The following OPCML variants were observed in gnomAD, a reference collection of about 807,000 sequenced individuals.
OPCML encodes opioid-binding protein/cell adhesion molecule.
Under a neutral mutation model 37.8 loss-of-function variants are expected in OPCML, and 13 were observed. The observed-to-expected ratio is 0.34, with a 90% CI of 0.22 to 0.55. The LOEUF (loss-of-function observed/expected upper bound fraction) is 0.55. Among genes scored for constraint, OPCML ranks in the 20% least tolerant of loss-of-function variants. OPCML has a pLI of 0.91. For missense variants in OPCML, 341 were observed against 435.6 expected, an observed-to-expected ratio of 0.78 and a Z score of 1.93; for synonymous variants, 176 against 168.8, an observed-to-expected ratio of 1.04 and a Z score of -0.33.
At chr11:132,558,011 G>A (rs1478684600) in intron 3 of OPCML, among the ~76,000 whole-genome samples, 5 of 116,310 alleles carry the variant, frequency 4.3e-5, no homozygotes, top group Non-Finnish European at 7.3e-5. Flanking sequence ...ATACACACAC[G>A]GTGTTACTTA....
At chr11:133,256,541 C>A (rs1197225847) in intron 1 of OPCML, among the ~76,000 whole-genome samples, 1 of 152,012 alleles carries the variant, frequency 6.6e-6, no homozygotes, top group African/African-American at 2.4e-5. Context: ...ATTTTATAAC[C>A]TTTATTGTGT....
chr11:132,812,790 C>T (rs1243484898), intron 2 of OPCML, among the ~76,000 whole-genome samples: 1 of 152,182 alleles, frequency 6.6e-6, no homozygotes, highest in Non-Finnish European at 1.5e-5. Flanking sequence ...GTATATCTTC[C>T]TCACCAACTT....
rs1943591423 is a variant in OPCML at position 132,890,328 on chromosome 11, A to G, written c.146+52598T>C. 2.0e-5 allele frequency among the ~76,000 whole-genome samples: 3 copies of G among 152,332 alleles called. No homozygotes were observed. The South Asian group carries it at 6.2e-4, about 32-fold the overall frequency. On this transcript the variant is annotated intron_variant, in intron 2 of 7. Transcript: ENST00000524381. ...TCAGCTTCTGGGGGAGTCAAGTTACAAAAGAGCCAACATATGAAAAATCCA... is the reference window on the plus strand; with the variant it reads ...TCAGCTTCTGGGGGAGTCAAGTTACGAAAGAGCCAACATATGAAAAATCCA...
chr11:133,331,195 G>T (rs138142030), intron 1 of OPCML, among the ~76,000 whole-genome samples: 1 of 152,196 alleles, frequency 6.6e-6, no homozygotes, highest in Non-Finnish European at 1.5e-5. Flanking sequence ...GAGTGGCCCC[G>T]TAGAGTCAGA....
At chr11:132,983,451 C>T (rs75900491) in intron 1 of OPCML, among the ~76,000 whole-genome samples, 2,193 of 152,310 alleles carry the variant, frequency 0.014, 66 homozygotes, top group African/African-American at 0.05. Flanking sequence ...AGAAGAAAGG[C>T]GCAGCCCTGA....
intron 1 of OPCML, among the ~76,000 whole-genome samples, chr11:133,295,873 A>T (rs1314106613): frequency 2.0e-5 from 3 of 152,270 alleles, no homozygotes; most frequent in Non-Finnish European, 4.4e-5. Flanking sequence ...AATCACAGTC[A>T]ATAGTGCTAT....
At chr11:132,503,907 T>C (rs1356582194) in intron 4 of OPCML, among the ~76,000 whole-genome samples, 2 of 152,078 alleles carry the variant, frequency 1.3e-5, no homozygotes, top group Non-Finnish European at 2.9e-5. Context: ...TTGAAGAAAA[T>C]ACAGATGTGG....
intron 2 of OPCML, among the ~76,000 whole-genome samples, chr11:132,854,918 T>A (rs1044086467): frequency 1.3e-5 from 2 of 152,208 alleles, no homozygotes; most frequent in Non-Finnish European, 2.9e-5. Context: ...CCTCACTCAT[T>A]CCTAGGTGTA....
chr11:132,594,829 T>A (rs2096490006), intron 3 of OPCML, among the ~76,000 whole-genome samples: 1 of 152,230 alleles, frequency 6.6e-6, no homozygotes, highest in Non-Finnish European at 1.5e-5. Flanking sequence ...TTTAGTCCAA[T>A]GCACTTATTT....
intron 1 of OPCML, chr11:133,025,073 T>C (rs950364580): frequency 5.4e-5 from 48 of 896,052 alleles, no homozygotes; most frequent in East Asian, 1.2e-4. Flanking sequence ...ATGGAGTATA[T>C]GTATAGATAA....
At chr11:133,191,109 G>A (rs994624001) in intron 1 of OPCML, among the ~76,000 whole-genome samples, 2 of 151,758 alleles carry the variant, frequency 1.3e-5, no homozygotes, top group African/African-American at 4.8e-5. Flanking sequence ...TCCTATATAC[G>A]AGGTTTCCAG....
In OPCML at chr11:132,706,238, A is replaced by T. The variant is rs1425722672; in HGVS notation, c.147-48919T>A. Reference sequence around the variant, plus strand: ...ACTCCAAGTGCTTGTGTTTACAGGGACCTAAAACTAAATTACTATATGCAA... The same window carrying T: ...ACTCCAAGTGCTTGTGTTTACAGGGTCCTAAAACTAAATTACTATATGCAA... On this transcript the variant is annotated intron_variant, in intron 2 of 7. Coordinates refer to ENST00000524381, the MANE Select transcript of OPCML (RefSeq NM_001012393.5). Among the ~76,000 whole-genome samples, 4 of 152,162 alleles carry T rather than the reference A, an allele frequency of 2.6e-5. No individual in the cohort carries two copies. In the East Asian group the frequency reaches 7.7e-4, roughly 29 times the overall value.
intron 3 of OPCML, among the ~76,000 whole-genome samples, chr11:132,577,323 T>C (rs1352883949): frequency 6.6e-6 from 1 of 152,154 alleles, no homozygotes; most frequent in Non-Finnish European, 1.5e-5. Context: ...TTGTCAATTC[T>C]AGCCACGGAA....
At chr11:133,415,382 C>T (rs1006007313) in intron 1 of OPCML, among the ~76,000 whole-genome samples, 4 of 151,742 alleles carry the variant, frequency 2.6e-5, no homozygotes, top group Non-Finnish European at 5.9e-5. Context: ...CGCACTCCAG[C>T]CTGGGTGACA....
chr11:133,201,652 G>A (rs1240991939), intron 1 of OPCML, among the ~76,000 whole-genome samples: 3 of 152,176 alleles, frequency 2.0e-5, no homozygotes, highest in Non-Finnish European at 2.9e-5. Flanking sequence ...GTAAATGAAG[G>A]AGAGGAGAAA....
At chr11:133,063,649 C>T (rs1948390199) in intron 1 of OPCML, among the ~76,000 whole-genome samples, 1 of 152,024 alleles carries the variant, frequency 6.6e-6, no homozygotes, top group Non-Finnish European at 1.5e-5. Flanking sequence ...ACAACCTCCG[C>T]CTCCCAGATT....
At chr11:132,805,181 G>A (rs868630260) in intron 2 of OPCML, among the ~76,000 whole-genome samples, 1 of 152,100 alleles carries the variant, frequency 6.6e-6, no homozygotes, top group African/African-American at 2.4e-5. Flanking sequence ...ATTCAAGATG[G>A]CATTAAAAAG....
intron 2 of OPCML, among the ~76,000 whole-genome samples, chr11:132,866,034 T>C (rs539861711): frequency 6.6e-6 from 1 of 152,190 alleles, no homozygotes; most frequent in South Asian, 2.1e-4. Context: ...GAGCACTCTT[T>C]AGTTCAGTCC....
intron 3 of OPCML, among the ~76,000 whole-genome samples, chr11:132,563,096 A>T (rs961353287): frequency 6.6e-6 from 1 of 152,044 alleles, no homozygotes; most frequent in African/African-American, 2.4e-5. Context: ...GTCATAGCTA[A>T]TTTTTTCTGT....
Sources: gnomAD v4.1 joint callset for allele counts (sites outside exome capture counted in the v4.1 genomes callset) on GRCh38, gnomAD v4.1.1 for gene constraint, MANE v1.5 for transcripts, NCBI Gene and HGNC (gene_info 2026-07-23, HGNC 2026-07-21) for gene names.